AK3: variants seen among roughly 807,000 people sequenced by gnomAD.
AK3 encodes GTP:AMP phosphotransferase AK3, mitochondrial.
A neutral mutation model predicts 23.7 loss-of-function variants in AK3; 27 were observed. The ratio of observed to expected loss-of-function variants is 1.14; its 90% confidence interval spans 0.84 to 1.57. AK3 has a LOEUF of 1.57. Ranked by LOEUF, AK3 falls within the 40% of genes most tolerant of loss-of-function variation. AK3 has a pLI of 0.00. For synonymous variants in AK3, 159 were observed against 116.0 expected (o/e 1.37, Z -2.38); for missense variants, 406 against 285.6 (o/e 1.42, Z -3.04).
chr9:4,719,274 A>C lies in AK3; in HGVS notation c.305T>G (p.Leu102Arg). 1.3e-6 allele frequency: 2 copies of C among 1,486,420 alleles called. No homozygotes were observed. Among genetic ancestry groups the C allele is most frequent in the Non-Finnish European group, 1.8e-6 (2 of 1,102,242 alleles). 92.1% of individuals were successfully genotyped at this position (1,486,420 alleles called of 1,614,324 possible). A position where few individuals can be genotyped will look rare whatever the true frequency, so the allele number is the denominator to read the frequency against. Reference protein sequence around the residue: ...FPRTLPQAEALDRAYQIDTVI... With the variant: ...FPRTLPQAEARDRAYQIDTVI... ...TGTGTCGATCTGATAAGCTCTATCT[A>C]GGGCTTCTGCCTGTGGAAGTGTCCT... is the stretch of plus-strand genomic sequence containing the variant. Residue 102 changes from leucine (L) to arginine (R), a missense_variant, in exon 3 of 5, where the codon CTA becomes CGA. Transcript: ENST00000381809.
intron 4 of AK3, among the ~76,000 whole-genome samples, chr9:4,717,223 T>G (rs991537203): frequency 6.6e-6 from 1 of 152,184 alleles, no homozygotes; most frequent in African/African-American, 2.4e-5. Flanking sequence ...GATACTGTTC[T>G]GCCCTGATCA....
At chr9:4,728,856 T>TACACACGC (rs1236773024) in intron 1 of AK3, among the ~76,000 whole-genome samples, 1 of 60,878 alleles carries the variant, frequency 1.6e-5, no homozygotes, top group Non-Finnish European at 3.7e-5. Flanking sequence ...TATATATATA[T>TACACACGC]ATATATATAT....
At position 4,712,670 on chromosome 9, in the gene AK3, G is replaced by A. The variant is rs1174426982; in HGVS notation, c.*306C>T. 5.6e-6 allele frequency: 1 copy of A among 178,974 alleles called. No individual in the cohort carries two copies. The highest frequency in any genetic ancestry group is 1.2e-5 in the Non-Finnish European group (1 of 86,212). The allele number at this position is 178,974 out of a possible 1,614,324, so 11.1% of individuals were successfully genotyped here. On this transcript the variant is annotated 3_prime_UTR_variant, in exon 5 of 5. Transcript: ENST00000381809. Reference sequence around the variant, plus strand: ...AAACTTTATCAACCACTTATTAACTGAACAAAAAGTTAGATTACTACCAAA... The same window carrying A: ...AAACTTTATCAACCACTTATTAACTAAACAAAAAGTTAGATTACTACCAAA...
intron 4 of AK3, among the ~76,000 whole-genome samples, 166 bp from the exon 5 acceptor site, chr9:4,713,262 T>C (rs1289299668): frequency 6.6e-6 from 1 of 152,206 alleles, no homozygotes; most frequent in Non-Finnish European, 1.5e-5. Flanking sequence ...TTGGAAAATG[T>C]ACATTTTGGT....
chr9:4,728,475 G>T (rs1842068109), intron 1 of AK3, among the ~76,000 whole-genome samples: 1 of 152,166 alleles, frequency 6.6e-6, no homozygotes, highest in Admixed American at 6.5e-5. Context: ...GGAGGCTGAG[G>T]CAGGAGAAGT....
intron 1 of AK3, among the ~76,000 whole-genome samples, chr9:4,723,685 T>C (rs746382042): frequency 2.0e-5 from 3 of 152,246 alleles, no homozygotes; most frequent in Admixed American, 6.5e-5. Context: ...TGGTTTTATA[T>C]AGTCATTTTA....
At position 4,714,797 on chromosome 9, in the gene AK3, A is replaced by G. The variant is rs754421690; in HGVS notation, c.564-1701T>C. On this transcript the variant is annotated intron_variant, in intron 4 of 4. Transcript: ENST00000381809. ...TCCCACAGCTAAAAGGTTTTTTTTAAAACAACCAACAATACAACTGTCAGC... is the reference window on the plus strand; with the variant it reads ...TCCCACAGCTAAAAGGTTTTTTTTAGAACAACCAACAATACAACTGTCAGC... 2.6e-5 allele frequency among the ~76,000 whole-genome samples: 4 copies of G among 152,342 alleles called. No homozygotes were observed. The South Asian group carries it at 6.2e-4, about 24-fold the overall frequency.
At chr9:4,722,690 A>G (rs1334389598) in intron 1 of AK3, 65 bp from the exon 2 acceptor site, 3 of 1,601,746 alleles carry the variant, frequency 1.9e-6, no homozygotes, top group Non-Finnish European at 2.6e-6. Context: ...GGCACCTCGG[A>G]ACGAGTTGCC....
intron 1 of AK3, among the ~76,000 whole-genome samples, chr9:4,736,114 C>CAAAAAAAAAA: frequency 2.0e-5 from 1 of 49,066 alleles, no homozygotes; most frequent in Non-Finnish European, 4.4e-5. Context: ...GACTCCATCT[C>CAAAAAAAAAA]AAAAAAAAAA....
chr9:4,722,318 C>G (rs2274820), intron 2 of AK3, among the ~76,000 whole-genome samples, 188 bp downstream of exon 2: 2 of 152,168 alleles, frequency 1.3e-5, no homozygotes, highest in Non-Finnish European at 2.9e-5. Context: ...AAATCATGCA[C>G]TTCACTTCCC....
At chr9:4,725,712 A>T (rs1001296319) in intron 1 of AK3, among the ~76,000 whole-genome samples, 9 of 152,230 alleles carry the variant, frequency 5.9e-5, no homozygotes, top group Non-Finnish European at 1.3e-4. Context: ...TAGAATATCT[A>T]AAGAACTCTT....
chr9:4,712,819 G>T lies in AK3; in HGVS notation c.*157C>A. The stretch of plus-strand genomic sequence containing the variant: ...ATGCATCTTAGTATCCGAATCATTT[G>T]GCACATCCTTAGTATCCAAAATAAA... On this transcript the variant is annotated 3_prime_UTR_variant, in exon 5 of 5. Transcript: ENST00000381809. 1 of 753,358 alleles carries T rather than the reference G, an allele frequency of 1.3e-6. No homozygotes were observed. Among genetic ancestry groups the T allele is most frequent in the South Asian group, 2.6e-5 (1 of 38,122 alleles). The allele number at this position is 753,358 out of a possible 1,614,324, so 46.7% of individuals were successfully genotyped here.
chr9:4,727,359 C>T (rs1842043175), intron 1 of AK3, among the ~76,000 whole-genome samples: 1 of 152,218 alleles, frequency 6.6e-6, no homozygotes, highest in South Asian at 2.1e-4. Flanking sequence ...TTAGTGTAGA[C>T]ACCTTCATCA....
intron 1 of AK3, among the ~76,000 whole-genome samples, chr9:4,737,051 G>A (rs139743184): frequency 1.3e-5 from 2 of 148,194 alleles, no homozygotes; most frequent in African/African-American, 4.9e-5. Context: ...TCAACCTCAC[G>A]ATTTCTACCA....
Position 4,710,602 on chromosome 9 carries a change from A to C in AK3, c.*2374T>G, listed in dbSNP as rs1486343565. On this transcript the variant is annotated 3_prime_UTR_variant, in exon 5 of 5. Transcript: ENST00000381809. ...TACATGTATTTCCATGTGGTACATA[A>C]ATCTTAATGATGGTCATTACAGAAT... 2 of 152,126 alleles carry C rather than the reference A, an allele frequency of 1.3e-5. No individual in the cohort carries two copies. The highest frequency in any genetic ancestry group is 4.8e-5 in the African/African-American group (2 of 41,428). 9.4% of individuals were successfully genotyped at this position (152,126 alleles called of 1,614,324 possible). A position where few individuals can be genotyped will look rare whatever the true frequency, so the allele number is the denominator to read the frequency against.
chr9:4,725,686 G>A (rs1488698742), intron 1 of AK3, among the ~76,000 whole-genome samples: 2 of 152,148 alleles, frequency 1.3e-5, no homozygotes. Context: ...CATGTAGCTG[G>A]TAAGGAATTT....
intron 4 of AK3, among the ~76,000 whole-genome samples, chr9:4,714,904 C>T (rs904527300): frequency 3.3e-5 from 5 of 152,014 alleles, no homozygotes; most frequent in South Asian, 2.1e-4. Flanking sequence ...CTGAGTTCTA[C>T]GTGTGGGAGC....
intron 1 of AK3, among the ~76,000 whole-genome samples, chr9:4,724,697 TG>T (rs1317970370): frequency 6.6e-6 from 1 of 151,992 alleles, no homozygotes; most frequent in African/African-American, 2.4e-5. Context: ...GAAGATTGCT[TG>T]AGCCCAAGAG....
At chr9:4,730,997 C>G (rs1032849451) in intron 1 of AK3, among the ~76,000 whole-genome samples, 2 of 152,238 alleles carry the variant, frequency 1.3e-5, no homozygotes, top group Non-Finnish European at 2.9e-5. Flanking sequence ...ATCTACACCT[C>G]TTTTGACTGC....
Sources: gnomAD v4.1 joint callset for allele counts (sites outside exome capture counted in the v4.1 genomes callset) on GRCh38, gnomAD v4.1.1 for gene constraint, MANE v1.5 for transcripts, NCBI Gene and HGNC (gene_info 2026-07-23, HGNC 2026-07-21) for gene names.